Variants in LAMC3 observed in about 807,000 individuals in gnomAD.
LAMC3 encodes laminin subunit gamma-3.
A neutral mutation model predicts 173.8 loss-of-function variants in LAMC3; 128 were observed. The ratio of observed to expected loss-of-function variants is 0.74; its 90% CI spans 0.64 to 0.85. LAMC3 has a LOEUF of 0.85. Ranked by LOEUF, LAMC3 falls within the 40% of genes least tolerant of loss-of-function variation. The pLI is 0.00. For synonymous variants in LAMC3, 897 were observed against 909.1 expected (o/e 0.99, Z 0.24); for missense variants, 2,022 against 2,156.0 (o/e 0.94, Z 1.23).
intron 20 of LAMC3, among the ~76,000 whole-genome samples, chr9:131,073,944 CTTTT>C (rs57877574): frequency 1.1e-5 from 1 of 90,814 alleles, no homozygotes; most frequent in Non-Finnish European, 2.1e-5. Flanking sequence ...CTTTTCTTTT[CTTTT>C]TTTTTTTTTT....
At chr9:131,020,791 T>G (rs2133216858) in intron 1 of LAMC3, among the ~76,000 whole-genome samples, 1 of 152,312 alleles carries the variant, frequency 6.6e-6, no homozygotes, top group East Asian at 1.9e-4. Flanking sequence ...ACCAGCTTCT[T>G]GTTTTGGTGC....
rs1368178681 is a variant in LAMC3, at chr9:131,052,844, C to T, written c.1824-6C>T. 6.3e-6 allele frequency: 10 copies of T among 1,598,546 alleles called. No homozygotes were observed. The highest frequency in any genetic ancestry group is 7.7e-6 in the Non-Finnish European group (9 of 1,166,620). On this transcript the variant is annotated splice_polypyrimidine_tract_variant and splice_region_variant and intron_variant, in intron 10 of 27. Coordinates refer to ENST00000361069, the MANE Select transcript of LAMC3 (RefSeq NM_006059.4). ...GGGATCTCACTTTGACCGCTTCTCTCGCCAGCCTGCAGGAGACCTCCGAGG... is the reference window on the plus strand; with the variant it reads ...GGGATCTCACTTTGACCGCTTCTCTTGCCAGCCTGCAGGAGACCTCCGAGG...
chr9:131,041,542 T>G, intron 6 of LAMC3, 95 bp from the exon 7 acceptor site: 3 of 1,076,140 alleles, frequency 2.8e-6, no homozygotes, highest in Non-Finnish European at 4.2e-6. Flanking sequence ...TCACTCCTGA[T>G]GTTGGCAGCA....
At chr9:131,015,409 C>T (rs1833502187) in intron 1 of LAMC3, among the ~76,000 whole-genome samples, 1 of 152,174 alleles carries the variant, frequency 6.6e-6, no homozygotes, top group African/African-American at 2.4e-5. Context: ...CCCTGTGGCC[C>T]CTTGTCCCCG....
chr9:131,054,361 C>G (rs1442756593), intron 11 of LAMC3, among the ~76,000 whole-genome samples: 2 of 152,218 alleles, frequency 1.3e-5, no homozygotes, highest in Non-Finnish European at 2.9e-5. Context: ...CCCGCAATCC[C>G]CAAACTTCCT....
rs145775274 is a variant in LAMC3 at position 131,026,428 on chromosome 9, C to T, written c.517C>T (p.Arg173Trp). 6.8e-4 allele frequency: 1,101 copies of T among 1,613,794 alleles called. 2 individuals carry two copies. In the African/African-American group the frequency reaches 0.013, roughly 18 times the overall value. ...YSASCQKTYG[R>W]PEGQYLRPGE... ...CGCCTCCTGCCAGAAGACCTACGGC[C>T]GGCCCGAGGGCCAGTACCTGCGCCC... Residue 173 changes from arginine to tryptophan, a missense_variant, in exon 2 of 28, where the codon CGG (arginine) becomes TGG (tryptophan). Coordinates refer to ENST00000361069, the MANE Select transcript of LAMC3 (RefSeq NM_006059.4). The surrounding 1 kb of genome is among the most constrained non-coding windows in gnomAD (Gnocchi z 4.8).
chr9:131,084,134 C>T (rs964428650), intron 24 of LAMC3, among the ~76,000 whole-genome samples: 13 of 151,232 alleles, frequency 8.6e-5, no homozygotes, highest in African/African-American at 3.2e-4. Context: ...CTACCTGCCT[C>T]CGCCTCCCAA....
intron 6 of LAMC3, 107 bp from the exon 7 acceptor site, chr9:131,041,530 C>A: frequency 1.0e-6 from 1 of 965,792 alleles, no homozygotes; most frequent in Non-Finnish European, 1.6e-6. Context: ...CCTGCGTCAG[C>A]CTCACTCCTG....
chr9:131,071,689 G>C (rs1243233680), intron 18 of LAMC3, 64 bp downstream of exon 18: 2 of 1,476,536 alleles, frequency 1.4e-6, no homozygotes, highest in Non-Finnish European at 1.8e-6. Flanking sequence ...CCTGCAGTCT[G>C]GTGTCGTTGG....
chr9:131,089,387 AT>A (rs1321002798), intron 27 of LAMC3, among the ~76,000 whole-genome samples: 3 of 151,542 alleles, frequency 2.0e-5, no homozygotes, highest in Non-Finnish European at 4.4e-5. Flanking sequence ...TACTTTTAAA[AT>A]TTTTTTGGAG....
intron 1 of LAMC3, among the ~76,000 whole-genome samples, chr9:131,024,890 C>G (rs1374831322): frequency 6.6e-6 from 1 of 152,034 alleles, no homozygotes; most frequent in African/African-American, 2.4e-5. Flanking sequence ...TGCAGGAGGC[C>G]CCCTCTCCTG....
At chr9:131,089,853 G>A (rs886252486) in intron 27 of LAMC3, among the ~76,000 whole-genome samples, 2 of 152,204 alleles carry the variant, frequency 1.3e-5, no homozygotes, top group African/African-American at 4.8e-5. Flanking sequence ...ATTCACACAC[G>A]TGATCTTACA....
chr9:131,092,001 A>G lies in LAMC3; in HGVS notation c.*214A>G. The G allele has an allele frequency of 3.2e-6, 2 of 616,880 alleles. No homozygotes were observed. Among genetic ancestry groups the G allele is most frequent in the Non-Finnish European group, 5.7e-6 (2 of 349,310 alleles). 38.2% of individuals were successfully genotyped at this position (616,880 alleles called of 1,614,324 possible). On this transcript the variant is annotated 3_prime_UTR_variant, in exon 28 of 28. Coordinates refer to ENST00000361069, the MANE Select transcript of LAMC3 (RefSeq NM_006059.4). Reference sequence around the variant, plus strand: ...TGCGTACCCAGTTCACCTGGACATGAGTGCACACTCTCACCCCTGCACATG... The same window carrying G: ...TGCGTACCCAGTTCACCTGGACATGGGTGCACACTCTCACCCCTGCACATG...
chr9:131,081,972 A>G lies in LAMC3; in HGVS notation c.3928-87A>G, dbSNP rs1830250934. 23 of 902,646 alleles carry G rather than the reference A, an allele frequency of 2.5e-5. No individual in the cohort carries two copies. In the East Asian group the frequency reaches 5.9e-4, roughly 23 times the overall value. The allele number at this position is 902,646 out of a possible 1,614,324, so 55.9% of individuals were successfully genotyped here. A position where few individuals can be genotyped will look rare whatever the true frequency, so the allele number is the denominator to read the frequency against. The stretch of plus-strand genomic sequence containing the variant: ...GGATTTGGTGATGATTTGGGCACCC[A>G]TGTATGTGGGTTTGGTGCCCACTGA... On this transcript the variant is annotated intron_variant, in intron 23 of 27. Transcript: ENST00000361069.
At chr9:131,048,316 CAG>C (rs1164281778) in intron 8 of LAMC3, among the ~76,000 whole-genome samples, 1 of 152,212 alleles carries the variant, frequency 6.6e-6, no homozygotes, top group Non-Finnish European at 1.5e-5. Flanking sequence ...CTCGGCCTCT[CAG>C]AGTGCTGGGA....
Position 131,057,082 on chromosome 9 carries a change from G to T in LAMC3, c.2093G>T (p.Gly698Val). 6.2e-7 allele frequency: 1 copy of T among 1,614,164 alleles called. No individual in the cohort carries two copies. The highest frequency in any genetic ancestry group is 8.5e-7 in the Non-Finnish European group (1 of 1,180,028). The change falls in exon 12 of 28, where the codon GGG becomes GTG. Residue 698 changes from glycine (G) to valine (V), a missense_variant. Physicochemically the swap from Gly to Val is moderately radical, Grantham distance 109. Coordinates refer to ENST00000361069, the MANE Select transcript of LAMC3 (RefSeq NM_006059.4). ...APGYKREMPQGGPYASCVPCT... is the reference protein window; with the variant it reads ...APGYKREMPQVGPYASCVPCT... The stretch of plus-strand genomic sequence containing the variant: ...GGATACAAGAGGGAGATGCCACAGG[G>T]GGGTCCCTATGCCAGCTGTGTCCCC...
At position 131,068,106 on chromosome 9, in the gene LAMC3, C is replaced by T; in HGVS notation, c.2622C>T (p.Val874=). Residue 874 remains valine, a synonymous_variant, in exon 15 of 28, where the codon GTC becomes GTT. Coordinates refer to ENST00000361069, the MANE Select transcript of LAMC3 (RefSeq NM_006059.4). ...GCAGCTGTCACCCACAGGGCTCGGT[C>T]AGTGAGCAGATGCCCTGCGACCCAG... ...MPCSCHPQGS[V]SEQMPCDPVT... is the part of the protein sequence containing the mutation. 6.2e-7 allele frequency: 1 copy of T among 1,612,490 alleles called. No homozygotes were observed.
intron 2 of LAMC3, among the ~76,000 whole-genome samples, chr9:131,028,355 A>G (rs1434890305): frequency 1.3e-5 from 2 of 152,130 alleles, no homozygotes; most frequent in Non-Finnish European, 2.9e-5. Flanking sequence ...CAGACCCAAG[A>G]CGTGTCCAAA....
In LAMC3 at chr9:131,057,117, A is replaced by T. The variant is rs138482262; in HGVS notation, c.2128A>T (p.Asn710Tyr). The stretch of plus-strand genomic sequence containing the variant: ...TGCCAGCTGTGTCCCCTGCACCTGT[A>T]ACCAGCATGGCACCTGTGACCCCAA... ...PYASCVPCTC[N>Y]QHGTCDPNTG... Residue 710 changes from asparagine (N) to tyrosine (Y), a missense_variant, in exon 12 of 28, where the codon AAC becomes TAC. Physicochemically the swap from Asn to Tyr is moderately radical, Grantham distance 143 (BLOSUM62 -2). Transcript: ENST00000361069. The T allele has an allele frequency of 2.5e-5, 40 of 1,614,136 alleles. No homozygotes were observed. In the East Asian group the frequency reaches 8.5e-4, roughly 34 times the overall value.
Sources: gnomAD v4.1 joint callset for allele counts (sites outside exome capture counted in the v4.1 genomes callset) on GRCh38, gnomAD v4.1.1 for gene constraint, Gnocchi (gnomAD v3.1) non-coding constraint, MANE v1.5 for transcripts, NCBI Gene and HGNC (gene_info 2026-07-23, HGNC 2026-07-21) for gene names.